Variants in TRIM35 observed in about 807,000 individuals in gnomAD.
The protein encoded by TRIM35 is tripartite motif containing 35, also known as E3 ubiquitin-protein ligase TRIM35.
In TRIM35, 37 loss-of-function variants were observed where a neutral mutation model predicts 49.1. The ratio of observed to expected loss-of-function variants is 0.75; its 90% CI spans 0.58 to 0.99. The LOEUF is 0.99. Among genes scored for constraint, TRIM35 ranks in the 50% least tolerant of loss-of-function variants. The pLI is 0.00. For missense variants in TRIM35, 648 were observed against 702.7 expected (o/e 0.92, Z 0.88); for synonymous variants, 302 against 289.3 (o/e 1.04, Z -0.45).
chr8:27,296,409 C>T (rs1190193493), intron 2 of TRIM35, among the ~76,000 whole-genome samples: 3 of 152,158 alleles, frequency 2.0e-5, no homozygotes, highest in South Asian at 2.1e-4. Flanking sequence ...GCCCACTCAC[C>T]GTGGGCAATG....
chr8:27,311,081 T>C lies in TRIM35; in HGVS notation c.155A>G (p.Gln52Arg). Residue 52 changes from glutamine (Q) to arginine (R), a missense_variant, in exon 1 of 6, where the codon CAG becomes CGG. Transcript: ENST00000305364. ...RGCVSRCWEV[Q>R]VSPTCPVCKD... ...GCACACTGGGCAGGTGGGCGACACCTGCACCTCCCAGCAGCGGCTCACGCA... is the reference window on the plus strand; with the variant it reads ...GCACACTGGGCAGGTGGGCGACACCCGCACCTCCCAGCAGCGGCTCACGCA... The C allele has an allele frequency of 6.3e-7, 1 of 1,596,884 alleles. No individual in the cohort carries two copies. The highest frequency in any genetic ancestry group is 8.5e-7 in the Non-Finnish European group (1 of 1,172,672).
In TRIM35 at chr8:27,288,009, CGAG is replaced by C. The variant is rs1453525712; in HGVS notation, c.1020_1022del (p.Ser341del). 3 of 1,613,604 alleles carry C rather than the reference CGAG, an allele frequency of 1.9e-6. No individual in the cohort carries two copies. Among genetic ancestry groups the C allele is most frequent in the Non-Finnish European group, 2.5e-6 (3 of 1,180,006 alleles). ...CACGGGAGCCCAGCAGGCAGGGCGC[CGAG>C]GAGAAGCGTTCCGGGTTCTCCACCT... On this transcript the variant is annotated inframe_deletion, in exon 6 of 6. Coordinates refer to ENST00000305364, the MANE Select transcript of TRIM35 (RefSeq NM_171982.5).
chr8:27,295,839 TGA>T (rs1213279541), intron 2 of TRIM35, among the ~76,000 whole-genome samples: 1 of 152,010 alleles, frequency 6.6e-6, no homozygotes, highest in Admixed American at 6.6e-5. Context: ...CCAAAAAAAT[TGA>T]GAATGATCCA....
In TRIM35 at chr8:27,290,194, T is replaced by C; in HGVS notation, c.763-16A>G. 6.2e-7 allele frequency: 1 copy of C among 1,613,152 alleles called. No homozygotes were observed. Among genetic ancestry groups the C allele is most frequent in the Middle Eastern group, 1.7e-4 (1 of 6,056 alleles). On this transcript the variant is annotated splice_polypyrimidine_tract_variant and intron_variant, in intron 3 of 5. Coordinates refer to ENST00000305364, the MANE Select transcript of TRIM35 (RefSeq NM_171982.5). ...TCTTGTGTTTCTGAAAAAATAAAAA[T>C]AAAAAAATAACACAGAGACACAGAT... is the stretch of plus-strand genomic sequence containing the variant.
At position 27,295,452 on chromosome 8, in the gene TRIM35, A is replaced by C. The variant is rs1802546333; in HGVS notation, c.532-1142T>G. Among the ~76,000 whole-genome samples the C allele has an allele frequency of 3.3e-5, 5 of 152,364 alleles. No homozygotes were observed. In the South Asian group the frequency reaches 1.0e-3, roughly 32 times the overall value. ...ATGCTCCTCAAGTTATGATGGGGTTACATCCCAATAAACCCATCATAAGTT... is the reference window on the plus strand; with the variant it reads ...ATGCTCCTCAAGTTATGATGGGGTTCCATCCCAATAAACCCATCATAAGTT... On this transcript the variant is annotated intron_variant, in intron 2 of 5. Coordinates refer to ENST00000305364, the MANE Select transcript of TRIM35 (RefSeq NM_171982.5).
rs113318353 is a variant in TRIM35, at chr8:27,287,700, C to T, written c.1332G>A (p.Ala444=). The T allele has an allele frequency of 7.5e-6, 12 of 1,609,856 alleles. No individual in the cohort carries two copies. The highest frequency in any genetic ancestry group is 2.7e-5 in the African/African-American group (2 of 74,918). The change falls in exon 6 of 6, where the codon GCG becomes GCA. Residue 444 remains alanine (A), a synonymous_variant. Transcript: ENST00000305364. This position sits in a 1 kb window ranked among gnomAD's most constrained non-coding sequence, Gnocchi z 6.0. ...CEEGELSFYD[A]ERHCHLYTFH... is the part of the protein sequence containing the mutation. ...AGGTGTACAGGTGGCAGTGGCGCTC[C>T]GCGTCATAGAAAGACAGCTCGCCCT...
rs1354436143 is a variant in TRIM35, at chr8:27,287,559, C to A, written c.1473G>T (p.Leu491=). The A allele has an allele frequency of 5.7e-6, 9 of 1,581,616 alleles. No homozygotes were observed. In the African/African-American group the frequency reaches 9.4e-5, roughly 17 times the overall value. Residue 491 remains leucine, a synonymous_variant, in exon 6 of 6, where the codon CTG becomes CTT. Transcript: ENST00000305364. This position sits in a 1 kb window ranked among gnomAD's most constrained non-coding sequence, Gnocchi z 6.0. ...GCAGCCCCGGGCCAGCTCAGCCATC[C>A]AGTTCTTCCTTGACACTGATGTGCA... The part of the protein sequence containing the change: ...CPLHISVKEE[L]DG
At chr8:27,302,021 C>CA (rs1472845329) in intron 1 of TRIM35, among the ~76,000 whole-genome samples, 2 of 152,156 alleles carry the variant, frequency 1.3e-5, no homozygotes, top group Non-Finnish European at 2.9e-5. Flanking sequence ...TTCTCTGGCC[C>CA]ATCTGTTTAT....
chr8:27,309,342 C>T (rs1365042930), intron 1 of TRIM35, among the ~76,000 whole-genome samples: 1 of 152,208 alleles, frequency 6.6e-6, no homozygotes, highest in African/African-American at 2.4e-5. Context: ...CCAGTGGAAA[C>T]AGGAAAAGCA....
intron 3 of TRIM35, among the ~76,000 whole-genome samples, chr8:27,291,123 AC>A (rs1265686842): frequency 6.6e-6 from 1 of 151,698 alleles, no homozygotes; most frequent in Non-Finnish European, 1.5e-5. Flanking sequence ...CAAAAAAAAA[AC>A]TCAAAATGCA....
intron 2 of TRIM35, among the ~76,000 whole-genome samples, chr8:27,295,040 T>C (rs1004244346): frequency 6.6e-6 from 1 of 152,186 alleles, no homozygotes; most frequent in African/African-American, 2.4e-5. Context: ...GTCAGGCTGG[T>C]CTCAAACTCC....
chr8:27,311,044 C>T lies in TRIM35; in HGVS notation c.192G>A (p.Ala64=), dbSNP rs142139999. The change falls in exon 1 of 6, where the codon GCG becomes GCA. Residue 64 remains alanine (A), a synonymous_variant. Transcript: ENST00000305364. ...GGTTGGTGCGCAGGTCGGCGGGTGACGCGCGGTCTTTGCACACTGGGCAGG... is the reference window on the plus strand; with the variant it reads ...GGTTGGTGCGCAGGTCGGCGGGTGATGCGCGGTCTTTGCACACTGGGCAGG... The part of the protein sequence containing the change: ...SPTCPVCKDR[A]SPADLRTNHT... 1.3e-6 allele frequency: 2 copies of T among 1,599,864 alleles called. No homozygotes were observed. The highest frequency in any genetic ancestry group is 1.7e-6 in the Non-Finnish European group (2 of 1,173,966).
At chr8:27,298,407 TCCCCA>T in intron 2 of TRIM35, 52 bp downstream of exon 2, 1 of 1,545,802 alleles carries the variant, frequency 6.5e-7, no homozygotes, top group Non-Finnish European at 8.9e-7. Context: ...TCTTCACTCC[TCCCCA>T]GACTGCCCTG....
chr8:27,291,692 CCA>C (rs1802457645), intron 3 of TRIM35, among the ~76,000 whole-genome samples: 1 of 152,156 alleles, frequency 6.6e-6, no homozygotes, highest in Admixed American at 6.6e-5. Flanking sequence ...TAACAAAATA[CCA>C]CAGACTGGGT....
At position 27,294,213 on chromosome 8, in the gene TRIM35, G is replaced by A. The variant is rs775672205; in HGVS notation, c.629C>T (p.Ala210Val). 1 of 1,614,098 alleles carries A rather than the reference G, an allele frequency of 6.2e-7. No individual in the cohort carries two copies. Among genetic ancestry groups the A allele is most frequent in the Non-Finnish European group, 8.5e-7 (1 of 1,180,024 alleles). The change falls in exon 3 of 6, where the codon GCC (alanine) becomes GTC (valine). Residue 210 changes from alanine to valine, a missense_variant. Transcript: ENST00000305364. Reference protein sequence around the residue: ...VEEQAILDAMAEETRQKQLLA... With the variant: ...VEEQAILDAMVEETRQKQLLA... ...AAGTTGCTTCTGCCTTGTCTCCTCGGCCATGGCATCCAGAATGGCCTGCTC... is the reference window on the plus strand; with the variant it reads ...AAGTTGCTTCTGCCTTGTCTCCTCGACCATGGCATCCAGAATGGCCTGCTC...
chr8:27,299,060 G>A (rs116634789), intron 1 of TRIM35, among the ~76,000 whole-genome samples: 5 of 152,162 alleles, frequency 3.3e-5, no homozygotes, highest in Non-Finnish European at 7.3e-5. Flanking sequence ...TACCTCCCAT[G>A]AGGCCTCACC....
chr8:27,292,762 T>C (rs1470288484), intron 3 of TRIM35, among the ~76,000 whole-genome samples: 1 of 152,190 alleles, frequency 6.6e-6, no homozygotes, highest in African/African-American at 2.4e-5. Flanking sequence ...TCTAAAATTG[T>C]CGTGATGGTT....
chr8:27,301,392 CA>C (rs1363530809), intron 1 of TRIM35, among the ~76,000 whole-genome samples: 1 of 152,160 alleles, frequency 6.6e-6, no homozygotes, highest in African/African-American at 2.4e-5. Context: ...GCTGGGCCAC[CA>C]TATGTGTCTT....
intron 4 of TRIM35, 33 bp from the exon 5 acceptor site, chr8:27,289,313 C>A (rs1802404953): frequency 1.3e-6 from 2 of 1,589,972 alleles, no homozygotes; most frequent in Non-Finnish European, 1.7e-6. Flanking sequence ...GTGGGCAGGG[C>A]CAGAGCCATG....
Sources: allele counts gnomAD v4.1 joint callset (sites outside exome capture counted in the v4.1 genomes callset), GRCh38; gene constraint gnomAD v4.1.1; non-coding constraint Gnocchi (gnomAD v3.1); transcripts MANE v1.5; gene names NCBI Gene and HGNC (gene_info 2026-07-23, HGNC 2026-07-21).